ANXA8: variants seen among roughly 807,000 people sequenced by gnomAD.
The protein encoded by ANXA8 is VAC-beta.
Under a neutral mutation model 26.8 loss-of-function variants are expected in ANXA8, and 9 were observed. That is an observed-to-expected ratio of 0.34 (90% CI 0.20 to 0.59). The LOEUF (loss-of-function observed/expected upper bound fraction) is 0.59. Among genes scored for constraint, ANXA8 ranks in the 20% least tolerant of loss-of-function variants. The pLI is 0.84. For missense variants in ANXA8, 83 were observed against 238.5 expected (o/e 0.35, Z 4.29); for synonymous variants, 39 against 94.8 (o/e 0.41, Z 3.42).
the ANXA8 span, among the ~76,000 whole-genome samples, chr10:47,939,215 ATC>A: frequency 6.9e-6 from 1 of 144,012 alleles, no homozygotes; most frequent in Non-Finnish European, 1.5e-5. Context: ...AGGCAGGAGA[ATC>A]ACTTGAACCC....
the ANXA8 span, among the ~76,000 whole-genome samples, chr10:47,581,018 G>A: frequency 2.0e-5 from 3 of 150,430 alleles, no homozygotes; most frequent in African/African-American, 5.0e-5. Context: ...AGAGGTTTCA[G>A]TGAGGCGAGA....
the ANXA8 span, among the ~76,000 whole-genome samples, chr10:47,960,001 C>T: frequency 6.7e-6 from 1 of 149,230 alleles, no homozygotes; most frequent in Non-Finnish European, 1.5e-5. Context: ...GTGAGGAAGC[C>T]ACTTGGGATG....
the ANXA8 span, among the ~76,000 whole-genome samples, chr10:47,686,267 G>A: frequency 1.4e-5 from 2 of 146,784 alleles, no homozygotes; most frequent in African/African-American, 2.5e-5. Flanking sequence ...CACCCAGACT[G>A]GAGTGCAGTG....
At chr10:47,618,419 G>A in the ANXA8 span, among the ~76,000 whole-genome samples, 136 of 109,508 alleles carry the variant, frequency 1.2e-3, 10 homozygotes, top group East Asian at 0.022. Context: ...TTATGATTTC[G>A]TCAATAAATA....
At chr10:47,733,229 T>TC in the ANXA8 span, among the ~76,000 whole-genome samples, 13 of 67,916 alleles carry the variant, frequency 1.9e-4, no homozygotes, top group East Asian at 5.6e-4. Flanking sequence ...TTCTCTTTCT[T>TC]TCTCTCTTTC....
chr10:47,633,001 CAGGAGGG>C, the ANXA8 span, among the ~76,000 whole-genome samples: 1 of 137,890 alleles, frequency 7.3e-6, no homozygotes, highest in Non-Finnish European at 1.5e-5. Flanking sequence ...GCAAAGGAAA[CAGGAGGG>C]TGGAGGGTGG....
At chr10:47,680,414 C>T in the ANXA8 span, among the ~76,000 whole-genome samples, 5 of 151,758 alleles carry the variant, frequency 3.3e-5, no homozygotes, top group African/African-American at 1.2e-4. Context: ...GTGGGTGGAT[C>T]ACCTGAGGTC....
chr10:47,511,026 C>T, the ANXA8 span, among the ~76,000 whole-genome samples: 2 of 127,086 alleles, frequency 1.6e-5, 1 homozygote, highest in Non-Finnish European at 3.2e-5. Context: ...TCACTGCAAG[C>T]TCCGCCTCCC....
the ANXA8 span, among the ~76,000 whole-genome samples, chr10:47,667,637 C>T: frequency 6.6e-6 from 1 of 152,006 alleles, no homozygotes; most frequent in South Asian, 2.1e-4. Context: ...GCAACAACCT[C>T]CGCCTCCTGG....
chr10:47,744,423 T>TGGGGGGGGATGGGGGAAGGGGGGGTG, the ANXA8 span, among the ~76,000 whole-genome samples: 2 of 6,440 alleles, frequency 3.1e-4, no homozygotes, highest in Non-Finnish European at 5.3e-4. Context: ...GGGGGGGGGT[T>TGGGGGGGGATGGGGGAAGGGGGGGTG]GGGGGGGAGG....
chr10:47,897,007 T>C, the ANXA8 span, among the ~76,000 whole-genome samples: 1 of 139,142 alleles, frequency 7.2e-6, no homozygotes. Context: ...CTCGGCTCAC[T>C]GCAACCTCTG....
the ANXA8 span, among the ~76,000 whole-genome samples, chr10:47,559,384 T>C: frequency 6.6e-6 from 1 of 151,754 alleles, no homozygotes; most frequent in Non-Finnish European, 1.5e-5. Flanking sequence ...CAGCTCGGCC[T>C]CCCAAAGTGC....
chr10:47,654,351 G>T, the ANXA8 span, among the ~76,000 whole-genome samples: 13 of 144,764 alleles, frequency 9.0e-5, 1 homozygote, highest in Admixed American at 3.4e-4. Context: ...TAAAAATTTC[G>T]TCAACATCAA....
the ANXA8 span, chr10:47,763,399 A>G: frequency 2.0e-6 from 2 of 985,334 alleles, no homozygotes; most frequent in Non-Finnish European, 2.4e-6. Flanking sequence ...CAGTCTTCTC[A>G]ATTGGGTTAA....
the ANXA8 span, chr10:47,750,916 A>G: frequency 6.6e-6 from 1 of 151,280 alleles, no homozygotes; most frequent in Non-Finnish European, 1.5e-5. Flanking sequence ...TTGACATTCA[A>G]CAGTCAATTA....
At chr10:47,617,839 G>A in the ANXA8 span, among the ~76,000 whole-genome samples, 9 of 142,372 alleles carry the variant, frequency 6.3e-5, no homozygotes, top group Non-Finnish European at 9.1e-5. Flanking sequence ...AACTTTTATC[G>A]GCAATTGGAC....
At chr10:47,671,110 T>C in the ANXA8 span, among the ~76,000 whole-genome samples, 56 of 151,958 alleles carry the variant, frequency 3.7e-4, no homozygotes, top group East Asian at 6.8e-3. Context: ...TGATAATGTA[T>C]TTGTTGTTAT....
At chr10:47,496,677 C>A in the ANXA8 span, among the ~76,000 whole-genome samples, 1 of 144,894 alleles carries the variant, frequency 6.9e-6, no homozygotes, top group South Asian at 2.2e-4. Context: ...AATAACAGTT[C>A]CTCAATCTTT....
the ANXA8 span, among the ~76,000 whole-genome samples, chr10:47,587,875 C>T: frequency 6.8e-6 from 1 of 146,070 alleles, no homozygotes; most frequent in Non-Finnish European, 1.5e-5. Flanking sequence ...AGCGATTGGC[C>T]ACACATTGAA....
Sources: gnomAD v4.1 joint callset for allele counts (sites outside exome capture counted in the v4.1 genomes callset) on GRCh38, gnomAD v4.1.1 for gene constraint, MANE v1.5 for transcripts, NCBI Gene and HGNC (gene_info 2026-07-23, HGNC 2026-07-21) for gene names.